The following MAGI3 variants were observed in gnomAD, a reference collection of about 807,000 sequenced individuals.
MAGI3 encodes the protein membrane associated guanylate kinase, WW and PDZ domain containing 3, also known as membrane-associated guanylate kinase, WW and PDZ domain-containing protein 3.
Under a neutral mutation model 121.8 loss-of-function variants are expected in MAGI3, and 43 were observed. The ratio of observed to expected loss-of-function variants is 0.35; its 90% confidence interval spans 0.28 to 0.46. The LOEUF is 0.46. Among genes scored for constraint, MAGI3 ranks in the 20% least tolerant of loss-of-function variants. MAGI3 has a pLI of 1.00. For missense variants in MAGI3, 1,547 were observed against 1,797.3 expected (o/e 0.86, Z 2.52); for synonymous variants, 553 against 639.3 (o/e 0.86, Z 2.04).
intron 1 of MAGI3, among the ~76,000 whole-genome samples, chr1:113,517,686 C>A (rs1657994851): frequency 6.6e-6 from 1 of 151,970 alleles, no homozygotes; most frequent in African/African-American, 2.4e-5. Flanking sequence ...TATGTTGATA[C>A]TACCAATTCA....
chr1:113,631,667 G>A (rs1041599793), intron 9 of MAGI3, among the ~76,000 whole-genome samples: 1 of 151,954 alleles, frequency 6.6e-6, no homozygotes, highest in Non-Finnish European at 1.5e-5. Flanking sequence ...TGAAAAAAAG[G>A]TCCTGTGTGG....
At chr1:113,541,264 G>A (rs1284915200) in intron 1 of MAGI3, among the ~76,000 whole-genome samples, 1 of 152,084 alleles carries the variant, frequency 6.6e-6, no homozygotes, top group Non-Finnish European at 1.5e-5. Flanking sequence ...TATGGAAAGT[G>A]GACACTCCCA....
intron 9 of MAGI3, among the ~76,000 whole-genome samples, chr1:113,641,071 TAA>T (rs1652477012): frequency 2.6e-5 from 3 of 114,478 alleles, no homozygotes; most frequent in South Asian, 2.5e-4. Context: ...ATGATATATA[TAA>T]TATATATGAG....
chr1:113,631,876 T>C (rs1412233998), intron 9 of MAGI3, among the ~76,000 whole-genome samples: 1 of 152,338 alleles, frequency 6.6e-6, no homozygotes, highest in African/African-American at 2.4e-5. Flanking sequence ...TATTTTAATA[T>C]GGCTGGGAGT....
At chr1:113,634,998 G>A (rs1570972855) in intron 9 of MAGI3, among the ~76,000 whole-genome samples, 2 of 152,086 alleles carry the variant, frequency 1.3e-5, no homozygotes, top group African/African-American at 2.4e-5. Context: ...TGAAGCAATT[G>A]TGAATGGGAG....
intron 2 of MAGI3, among the ~76,000 whole-genome samples, chr1:113,579,096 G>A (rs1647849334): frequency 6.6e-6 from 1 of 152,134 alleles, no homozygotes; most frequent in East Asian, 1.9e-4. Flanking sequence ...AAATGCATTT[G>A]TTTACAATTT....
chr1:113,623,444 A>G (rs1423509566), intron 9 of MAGI3, among the ~76,000 whole-genome samples: 2 of 74,610 alleles, frequency 2.7e-5, no homozygotes, highest in East Asian at 3.4e-4. Context: ...ACATATATAT[A>G]CACACACATA....
At chr1:113,493,153 A>G (rs953062029) in intron 1 of MAGI3, among the ~76,000 whole-genome samples, 3 of 152,218 alleles carry the variant, frequency 2.0e-5, no homozygotes, top group African/African-American at 7.2e-5. Flanking sequence ...CTACAGGGCT[A>G]CAGTAACCAA....
intron 16 of MAGI3, among the ~76,000 whole-genome samples, chr1:113,661,286 AAAT>A (rs977839432): frequency 2.0e-5 from 3 of 152,206 alleles, no homozygotes; most frequent in African/African-American, 7.2e-5. Flanking sequence ...CTTCCCAAGG[AAAT>A]AATAATAGTA....
At chr1:113,575,693 C>A (rs1647584880) in intron 2 of MAGI3, among the ~76,000 whole-genome samples, 1 of 152,230 alleles carries the variant, frequency 6.6e-6, no homozygotes, top group African/African-American at 2.4e-5. Flanking sequence ...AGGAGGCAGT[C>A]TGTCCCTTAG....
At chr1:113,467,842 A>G (rs1157477966) in intron 1 of MAGI3, among the ~76,000 whole-genome samples, 1 of 152,050 alleles carries the variant, frequency 6.6e-6, no homozygotes, top group Non-Finnish European at 1.5e-5. Context: ...GCTCCCTCCT[A>G]TTATTGTATT....
intron 1 of MAGI3, among the ~76,000 whole-genome samples, chr1:113,528,636 T>C (rs1474318369): frequency 6.6e-6 from 1 of 152,216 alleles, no homozygotes; most frequent in Non-Finnish European, 1.5e-5. Flanking sequence ...TAGCATTTAT[T>C]GATGACTGAA....
At chr1:113,434,785 T>C (rs1377914718) in intron 1 of MAGI3, among the ~76,000 whole-genome samples, 1 of 152,232 alleles carries the variant, frequency 6.6e-6, no homozygotes, top group Non-Finnish European at 1.5e-5. Flanking sequence ...TGTGCTGAAG[T>C]AAACAGAACA....
intron 19 of MAGI3, among the ~76,000 whole-genome samples, chr1:113,678,814 T>C (rs1648034061): frequency 6.6e-6 from 1 of 152,222 alleles, no homozygotes; most frequent in African/African-American, 2.4e-5. Context: ...CACAGCCTCC[T>C]GACCGCCTGT....
chr1:113,681,383 G>A, intron 20 of MAGI3, 47 bp downstream of exon 20: 3 of 1,574,992 alleles, frequency 1.9e-6, no homozygotes, highest in Non-Finnish European at 2.6e-6. Context: ...ATATTAGGGA[G>A]GGGACAGAAG....
At chr1:113,641,505 A>C (rs1390438665) in intron 9 of MAGI3, among the ~76,000 whole-genome samples, 1 of 152,106 alleles carries the variant, frequency 6.6e-6, no homozygotes, top group Non-Finnish European at 1.5e-5. Context: ...AATTTATTCA[A>C]AAAATATAAT....
intron 1 of MAGI3, among the ~76,000 whole-genome samples, chr1:113,510,114 A>G (rs1657541474): frequency 6.6e-6 from 1 of 152,186 alleles, no homozygotes; most frequent in African/African-American, 2.4e-5. Flanking sequence ...TTTCTATATC[A>G]TTGTTTATGA....
chr1:113,522,358 A>G (rs778772239), intron 1 of MAGI3, among the ~76,000 whole-genome samples: 4 of 152,080 alleles, frequency 2.6e-5, no homozygotes, highest in East Asian at 1.9e-4. Flanking sequence ...GCCTGCCTCA[A>G]TCTCCCAAAG....
chr1:113,477,944 C>G (rs1321590025), intron 1 of MAGI3, among the ~76,000 whole-genome samples: 1 of 152,124 alleles, frequency 6.6e-6, no homozygotes, highest in Non-Finnish European at 1.5e-5. Context: ...TCTTTTTTCT[C>G]TAACTTTGTT....
Sources: allele counts gnomAD v4.1 joint callset (sites outside exome capture counted in the v4.1 genomes callset), GRCh38; gene constraint gnomAD v4.1.1; transcripts MANE v1.5; gene names NCBI Gene and HGNC (gene_info 2026-07-23, HGNC 2026-07-21).